Variants in PUDP observed in about 807,000 individuals in gnomAD.
PUDP encodes pseudouridine 5'-phosphatase.
Under a neutral mutation model 9.4 loss-of-function variants are expected in PUDP, and 8 were observed. The ratio of observed to expected loss-of-function variants is 0.85; its 90% CI spans 0.50 to 1.53. PUDP has a LOEUF of 1.53. Among genes scored for constraint, PUDP ranks in the 40% most tolerant of loss-of-function variants. PUDP has a pLI of 0.00. For synonymous variants in PUDP, 99 were observed against 80.7 expected (o/e 1.23, Z -1.22); for missense variants, 188 against 189.7 (o/e 0.99, Z 0.05).
chrX:7,049,553 A>G lies in PUDP; in HGVS notation c.*743T>C, dbSNP rs1319723150. ...TCATACTAACAATAAACTATGGATG[A>G]CGTGGCACAGAGTCAGTCAATGAGG... On this transcript the variant is annotated 3_prime_UTR_variant, in exon 4 of 4. Transcript: ENST00000381077. The G allele has an allele frequency of 8.9e-6, 1 of 112,386 alleles. No individual in the cohort carries two copies. Among genetic ancestry groups the G allele is most frequent in the South Asian group, 3.7e-4 (1 of 2,677 alleles). 9.3% of individuals were successfully genotyped at this position (112,386 alleles called of 1,213,427 possible).
intron 3 of PUDP, among the ~76,000 whole-genome samples, chrX:6,779,684 C>A (rs1254038672): frequency 8.9e-6 from 1 of 111,930 alleles, no homozygotes; most frequent in African/African-American, 3.2e-5. Flanking sequence ...AATCCCAGCA[C>A]TTTGGGAGGA....
intron 3 of PUDP, among the ~76,000 whole-genome samples, chrX:6,947,158 G>A (rs1928480394): frequency 2.7e-5 from 3 of 109,454 alleles, no homozygotes; most frequent in African/African-American, 1.0e-4. Context: ...GCACCACCAC[G>A]CCCTGCTGAT....
chrX:6,752,658 A>G (rs1925114423), intron 3 of PUDP, among the ~76,000 whole-genome samples: 1 of 111,664 alleles, frequency 9.0e-6, no homozygotes, highest in Non-Finnish European at 1.9e-5. Context: ...GAAGCCCTCA[A>G]TGATGCTTTG....
intron 3 of PUDP, among the ~76,000 whole-genome samples, chrX:6,854,718 T>C (rs1364654218): frequency 2.7e-5 from 3 of 110,920 alleles, no homozygotes; most frequent in African/African-American, 9.8e-5. Context: ...ATATTTACTA[T>C]TCATTTGATG....
intron 1 of PUDP, among the ~76,000 whole-genome samples, chrX:6,709,629 A>G (rs1372431736): frequency 8.9e-6 from 1 of 112,142 alleles, no homozygotes; most frequent in African/African-American, 3.2e-5. Context: ...GACATTCGAC[A>G]AAAGTTGCTT....
chrX:7,101,193 C>T (rs12014777), intron 2 of PUDP, among the ~76,000 whole-genome samples: 1,240 of 111,816 alleles, frequency 0.011, 22 homozygotes, highest in African/African-American at 0.037. Flanking sequence ...AGTCCCTACT[C>T]GCAACTGAGC....
chrX:6,924,964 C>A (rs1389494559), intron 3 of PUDP, among the ~76,000 whole-genome samples: 1 of 111,800 alleles, frequency 8.9e-6, no homozygotes, highest in African/African-American at 3.2e-5. Context: ...GAGCATGAGA[C>A]CAGCTGGTAA....
intron 3 of PUDP, among the ~76,000 whole-genome samples, chrX:6,845,120 C>T (rs1244824797): frequency 8.9e-6 from 1 of 112,050 alleles, no homozygotes; most frequent in Non-Finnish European, 1.9e-5. Context: ...CAATGTTTTA[C>T]CAACTCTCTG....
chrX:6,898,669 GAC>G (rs1427682548), intron 3 of PUDP, among the ~76,000 whole-genome samples: 2 of 112,415 alleles, frequency 1.8e-5, no homozygotes, highest in African/African-American at 6.5e-5. Context: ...AGCCACAGGC[GAC>G]ACAGAAAGGG....
At chrX:6,718,677 T>TA (rs1438740867) in intron 1 of PUDP, among the ~76,000 whole-genome samples, 1 of 111,353 alleles carries the variant, frequency 9.0e-6, no homozygotes, top group Non-Finnish European at 1.9e-5. Context: ...ATGGCTACAC[T>TA]AAAAGTCCAG....
At chrX:6,828,805 A>G (rs970545683) in intron 3 of PUDP, among the ~76,000 whole-genome samples, 1 of 111,099 alleles carries the variant, frequency 9.0e-6, no homozygotes, top group African/African-American at 3.3e-5. Context: ...AGCTTTTCCA[A>G]TTGGCTCATT....
chrX:7,062,887 ATTT>A lies in PUDP; in HGVS notation c.511-12418_511-12416del, dbSNP rs199914841. On this transcript the variant is annotated intron_variant, in intron 3 of 3. Transcript: ENST00000381077. The stretch of plus-strand genomic sequence containing the variant: ...GATTATTCGAGAGCATGACTGCTTA[ATTT>A]TTTTTTTTTTTTTTTTTTTTGGAAA... Among the ~76,000 whole-genome samples the A allele has an allele frequency of 7.0e-4, 56 of 79,679 alleles. 1 individual carries two copies. The highest frequency in any genetic ancestry group is 2.7e-3 in the African/African-American group (51 of 18,963). The allele number at this position is 79,679 out of a possible 115,157, so 69.2% of individuals were successfully genotyped here. A position where few individuals can be genotyped will look rare whatever the true frequency, so the allele number is the denominator to read the frequency against.
chrX:7,091,980 C>A (rs775083307), intron 2 of PUDP, among the ~76,000 whole-genome samples: 2 of 112,578 alleles, frequency 1.8e-5, no homozygotes, highest in African/African-American at 3.2e-5. Flanking sequence ...AATGTAAATT[C>A]TCTTACCTAA....
chrX:6,979,734 A>G (rs1485856042), intron 1 of PUDP, among the ~76,000 whole-genome samples: 1 of 111,302 alleles, frequency 9.0e-6, no homozygotes, highest in Admixed American at 9.6e-5. Context: ...CTTTTTTTTA[A>G]TTAATTAAAT....
intron 2 of PUDP, among the ~76,000 whole-genome samples, chrX:7,094,515 C>T (rs894902970): frequency 3.6e-5 from 4 of 110,409 alleles, no homozygotes; most frequent in Admixed American, 9.6e-5. Flanking sequence ...TGCCACCACA[C>T]CCGGCTAATT....
Position 7,050,400 on chromosome X carries a change from G to A in PUDP, c.583C>T (p.Pro195Ser). 4 of 1,211,137 alleles carry A rather than the reference G, an allele frequency of 3.3e-6. No individual in the cohort carries two copies. Among genetic ancestry groups the A allele is most frequent in the South Asian group, 1.8e-5 (1 of 56,901 alleles). Residue 195 changes from proline (P) to serine (S), a missense_variant, in exon 4 of 4, where the codon CCT becomes TCT. Physicochemically the swap from Pro to Ser is moderately conservative, Grantham distance 74 (BLOSUM62 -1). Coordinates refer to ENST00000381077, the MANE Select transcript of PUDP (RefSeq NM_012080.5). ...LAAGMQVVMV[P>S]DGNLSRDLTT... ...AGATCTCGGCTCAAGTTTCCGTCAG[G>A]AACCATGACCACCTGCATCCCAGCT...
At chrX:7,112,627 T>G (rs966548926) in intron 1 of PUDP, among the ~76,000 whole-genome samples, 1 of 112,185 alleles carries the variant, frequency 8.9e-6, no homozygotes, top group Non-Finnish European at 1.9e-5. Flanking sequence ...ATTGTCACAA[T>G]CTGACAGTTA....
At chrX:6,796,284 A>G (rs1292307183) in intron 3 of PUDP, among the ~76,000 whole-genome samples, 1 of 112,255 alleles carries the variant, frequency 8.9e-6, no homozygotes, top group African/African-American at 3.2e-5. Context: ...ATGGAAACTG[A>G]TAATAGTTTG....
intron 1 of PUDP, among the ~76,000 whole-genome samples, chrX:7,115,304 C>A (rs1480756717): frequency 8.9e-6 from 1 of 112,505 alleles, no homozygotes; most frequent in Admixed American, 9.4e-5. Flanking sequence ...AAAACATTTT[C>A]TAGGCTGGAA....
Sources: gnomAD v4.1 joint callset for allele counts (sites outside exome capture counted in the v4.1 genomes callset) on GRCh38, gnomAD v4.1.1 for gene constraint, MANE v1.5 for transcripts, NCBI Gene and HGNC (gene_info 2026-07-23, HGNC 2026-07-21) for gene names.